ANO5: variants seen among roughly 807,000 people sequenced by gnomAD.
ANO5 encodes the protein anoctamin 5, also known as anoctamin-5.
In ANO5, 109 loss-of-function variants were observed where a neutral mutation model predicts 121.0. That is an observed-to-expected ratio of 0.90 (90% confidence interval 0.77 to 1.06). ANO5 has a LOEUF of 1.06. ANO5 is among the 50% of genes least tolerant of loss of function. The pLI, the probability that ANO5 is intolerant of heterozygous loss-of-function variation, is 0.00. For synonymous variants in ANO5, 406 were observed against 359.9 expected (o/e 1.13, Z -1.45); for missense variants, 1,064 against 1,078.5 (o/e 0.99, Z 0.19).
intron 7 of ANO5, among the ~76,000 whole-genome samples, chr11:22,231,935 A>G (rs1384301028): frequency 6.6e-6 from 1 of 151,974 alleles, no homozygotes. Flanking sequence ...CATAAGTCGT[A>G]ATTATCACAA....
At chr11:22,234,096 TACA>T (rs569939354) in intron 7 of ANO5, among the ~76,000 whole-genome samples, 5 of 152,122 alleles carry the variant, frequency 3.3e-5, no homozygotes, top group Non-Finnish European at 7.4e-5. Flanking sequence ...GTGAACTGAG[TACA>T]ACAATTTTCA....
chr11:22,261,843 G>A (rs1854197678), intron 15 of ANO5, among the ~76,000 whole-genome samples: 1 of 152,076 alleles, frequency 6.6e-6, no homozygotes, highest in Non-Finnish European at 1.5e-5. Flanking sequence ...ATATCATGTG[G>A]GTTTGAATTT....
intron 2 of ANO5, among the ~76,000 whole-genome samples, chr11:22,208,035 C>A (rs1169130578): frequency 6.6e-6 from 1 of 151,930 alleles, no homozygotes; most frequent in Admixed American, 6.6e-5. Context: ...ATACAACTTA[C>A]TAGTTAGGAT....
rs554941632 is a variant in ANO5 at position 22,193,645 on chromosome 11, G to A, written c.40+113G>A. ...GGCGGCCCTGCGGCCTGAGTCCTAG[G>A]GAGGTTCGCTGCGTGGCGTGCTCAG... On this transcript the variant is annotated intron_variant, in intron 1 of 21. Transcript: ENST00000324559. 3.7e-6 allele frequency: 5 copies of A among 1,348,838 alleles called. No homozygotes were observed. The African/African-American group carries it at 4.3e-5, about 12-fold the overall frequency. 83.6% of individuals were successfully genotyped at this position (1,348,838 alleles called of 1,614,324 possible).
chr11:22,272,625 C>T (rs1370454326), intron 18 of ANO5, among the ~76,000 whole-genome samples, 159 bp from the exon 19 acceptor site: 1 of 152,100 alleles, frequency 6.6e-6, no homozygotes, highest in African/African-American at 2.4e-5. Flanking sequence ...GTCACTGTGC[C>T]TCCTGTGGTA....
At chr11:22,277,479 A>G (rs1854905428) in intron 21 of ANO5, among the ~76,000 whole-genome samples, 1 of 151,464 alleles carries the variant, frequency 6.6e-6, no homozygotes, top group South Asian at 2.1e-4. Flanking sequence ...CAATTCTGAA[A>G]TATTTCTGTC....
Position 22,262,382 on chromosome 11 carries a change from T to G in ANO5, c.1800+84T>G. 3 of 1,453,380 alleles carry G rather than the reference T, an allele frequency of 2.1e-6. No homozygotes were observed. The Middle Eastern group carries it at 6.1e-4, about 294-fold the overall frequency. The allele number at this position is 1,453,380 out of a possible 1,614,324, so 90.0% of individuals were successfully genotyped here. Reference sequence around the variant, plus strand: ...TCTGTGTGTCAAGCACTGATTCACATGCTAAAAAATTACAAAATATATCTA... The same window carrying G: ...TCTGTGTGTCAAGCACTGATTCACAGGCTAAAAAATTACAAAATATATCTA... On this transcript the variant is annotated intron_variant, in intron 16 of 21. Transcript: ENST00000324559.
chr11:22,242,816 T>A (rs1349467361), intron 9 of ANO5, among the ~76,000 whole-genome samples: 1 of 152,124 alleles, frequency 6.6e-6, no homozygotes, highest in Non-Finnish European at 1.5e-5. Context: ...GTCTTTAGGG[T>A]TTTCTAGGTG....
chr11:22,192,797 C>T (rs1287629100), upstream of ANO5, among the ~76,000 whole-genome samples: 1 of 152,162 alleles, frequency 6.6e-6, no homozygotes, highest in Non-Finnish European at 1.5e-5. Context: ...CGTGCGAAGC[C>T]TGTACAGAAT....
chr11:22,252,956 A>G (rs1853876249), intron 12 of ANO5, among the ~76,000 whole-genome samples: 1 of 152,160 alleles, frequency 6.6e-6, no homozygotes, highest in Admixed American at 6.6e-5. Flanking sequence ...CATGATTGCA[A>G]TTGTGTATAA....
At chr11:22,235,931 T>A (rs1375041863) in intron 7 of ANO5, among the ~76,000 whole-genome samples, 1 of 152,108 alleles carries the variant, frequency 6.6e-6, no homozygotes, top group Non-Finnish European at 1.5e-5. Flanking sequence ...AATTATGGTC[T>A]GTTCACCCCT....
intron 2 of ANO5, among the ~76,000 whole-genome samples, chr11:22,206,428 T>C (rs1481593824): frequency 6.6e-6 from 1 of 151,984 alleles, no homozygotes. Context: ...GTGATTCCCC[T>C]TCCTCTCCTG....
In ANO5 at chr11:22,283,254, G is replaced by A. The variant is rs939766781; in HGVS notation, c.*3489G>A. The A allele has an allele frequency of 1.3e-5, 2 of 152,046 alleles. No homozygotes were observed. Among genetic ancestry groups the A allele is most frequent in the African/African-American group, 2.4e-5 (1 of 41,410 alleles). 9.4% of individuals were successfully genotyped at this position (152,046 alleles called of 1,614,324 possible). On this transcript the variant is annotated 3_prime_UTR_variant, in exon 22 of 22. Transcript: ENST00000324559. ...TCTTCCAAGTTTTTTTTTCCAGGAA[G>A]AGAAATATGCAGTTATGCAGGAAAA... is the stretch of plus-strand genomic sequence containing the variant.
chr11:22,208,928 C>A (rs1225455964), intron 2 of ANO5, among the ~76,000 whole-genome samples: 2 of 151,712 alleles, frequency 1.3e-5, no homozygotes, highest in Non-Finnish European at 2.9e-5. Flanking sequence ...ATTTTTTTCA[C>A]CCCATCTATG....
chr11:22,212,786 G>T (rs58102327), intron 3 of ANO5, among the ~76,000 whole-genome samples: 3,545 of 148,896 alleles, frequency 0.024, 136 homozygotes, highest in African/African-American at 0.081. Flanking sequence ...ATGTCACTCT[G>T]TTCATATATC....
intron 21 of ANO5, among the ~76,000 whole-genome samples, chr11:22,276,623 AC>A (rs1302210136): frequency 2.0e-5 from 3 of 151,772 alleles, no homozygotes; most frequent in African/African-American, 7.2e-5. Context: ...TAACTAACTA[AC>A]ATTAGCGCTG....
chr11:22,235,785 T>A (rs1031678988), intron 7 of ANO5, among the ~76,000 whole-genome samples: 1 of 152,188 alleles, frequency 6.6e-6, no homozygotes, highest in African/African-American at 2.4e-5. Context: ...ACAGCTTGGA[T>A]AAATATCAAT....
intron 8 of ANO5, 78 bp downstream of exon 8, chr11:22,236,354 T>C: frequency 8.6e-7 from 1 of 1,166,166 alleles, no homozygotes. Flanking sequence ...AGAATCTTCC[T>C]TTACTTCAGT....
At chr11:22,239,830 C>A in intron 9 of ANO5, 146 bp downstream of exon 9, 1 of 671,530 alleles carries the variant, frequency 1.5e-6, no homozygotes. Context: ...ATTAGCAATT[C>A]ATTTAGGAGA....
Sources: allele counts gnomAD v4.1 joint callset (sites outside exome capture counted in the v4.1 genomes callset), GRCh38; gene constraint gnomAD v4.1.1; transcripts MANE v1.5; gene names NCBI Gene and HGNC (gene_info 2026-07-23, HGNC 2026-07-21).